Variants in ZDHHC17 observed in about 807,000 individuals in gnomAD.
The protein encoded by ZDHHC17 is zDHHC palmitoyltransferase 17.
In ZDHHC17, 40 loss-of-function variants were observed where a neutral mutation model predicts 90.3. That is an observed-to-expected ratio of 0.44 (90% CI 0.34 to 0.58). ZDHHC17 has a LOEUF of 0.58. ZDHHC17 is among the 20% of genes least tolerant of loss of function. ZDHHC17 has a pLI of 0.01. For missense variants in ZDHHC17, 614 were observed against 780.8 expected, an observed-to-expected ratio of 0.79 and a Z score of 2.55; for synonymous variants, 235 against 252.4, an observed-to-expected ratio of 0.93 and a Z score of 0.65.
intron 10 of ZDHHC17, among the ~76,000 whole-genome samples, chr12:76,835,651 T>C (rs1953354301): frequency 6.6e-6 from 1 of 152,122 alleles, no homozygotes; most frequent in South Asian, 2.1e-4. Flanking sequence ...GTATTTTGGA[T>C]ATATGACATG....
rs570925688 is a variant in ZDHHC17, at chr12:76,849,750, AAAAC to A, written c.1760+281_1760+284del. On this transcript the variant is annotated intron_variant, in intron 16 of 16. Coordinates refer to ENST00000426126, the MANE Select transcript of ZDHHC17 (RefSeq NM_015336.4). ...AGGGTCCTAAGTATATGAAATATTT[AAAAC>A]TTTGAGTTTTACTGAAGTTATTACC... 3.6e-4 allele frequency: 69 copies of A among 194,274 alleles called. 1 individual carries two copies. In the East Asian group the frequency reaches 7.1e-3, roughly 20 times the overall value. The allele number at this position is 194,274 out of a possible 1,614,324, so 12.0% of individuals were successfully genotyped here.
chr12:76,782,758 T>C (rs1952641410), intron 1 of ZDHHC17, among the ~76,000 whole-genome samples: 1 of 152,088 alleles, frequency 6.6e-6, no homozygotes, highest in Non-Finnish European at 1.5e-5. Flanking sequence ...TCAGGAACTT[T>C]GCAATAGTGG....
chr12:76,809,521 A>G (rs1052044825), intron 4 of ZDHHC17, among the ~76,000 whole-genome samples, 192 bp from the exon 5 acceptor site: 3 of 152,152 alleles, frequency 2.0e-5, no homozygotes, highest in Admixed American at 2.0e-4. Flanking sequence ...ATACATTTTC[A>G]GACTGTTAAT....
At chr12:76,773,885 TA>T (rs1429275967) in intron 1 of ZDHHC17, among the ~76,000 whole-genome samples, 1 of 152,202 alleles carries the variant, frequency 6.6e-6, no homozygotes, top group Non-Finnish European at 1.5e-5. Context: ...TACATTTCCA[TA>T]AAAGTCCTTC....
Position 76,797,447 on chromosome 12 carries a change from A to G in ZDHHC17, c.107A>G (p.Gln36Arg), listed in dbSNP as rs1952833552. ...PLLHPEEIKP[Q>R]SHYNHGYGEP... is the part of the protein sequence containing the mutation. The stretch of plus-strand genomic sequence containing the variant: ...TCTTTTTAACAGGAAATCAAACCCC[A>G]AAGCCATTATAACCATGGATATGGT... The change falls in exon 2 of 17, where the codon CAA becomes CGA. Residue 36 changes from glutamine to arginine, a missense_variant. Transcript: ENST00000426126. 6.2e-7 allele frequency: 1 copy of G among 1,604,366 alleles called. No individual in the cohort carries two copies. The highest frequency in any genetic ancestry group is 8.5e-7 in the Non-Finnish European group (1 of 1,175,738).
intron 3 of ZDHHC17, 43 bp downstream of exon 3, chr12:76,805,482 T>C (rs1952945184): frequency 1.5e-6 from 2 of 1,374,546 alleles, no homozygotes; most frequent in Non-Finnish European, 2.0e-6. Context: ...CTTGACTTTT[T>C]ATGGTTATAA....
chr12:76,808,719 A>G (rs1475505683), intron 3 of ZDHHC17, among the ~76,000 whole-genome samples: 4 of 152,010 alleles, frequency 2.6e-5, no homozygotes, highest in African/African-American at 4.8e-5. Flanking sequence ...CAACTATTCT[A>G]ATTTCAAGTT....
chr12:76,843,066 G>A (rs1350040309), intron 12 of ZDHHC17, 85 bp downstream of exon 12: 5 of 1,023,182 alleles, frequency 4.9e-6, no homozygotes, highest in Non-Finnish European at 5.7e-6. Context: ...TGGGGAAAAG[G>A]AATAATTATT....
At chr12:76,802,958 T>G (rs1952909690) in intron 2 of ZDHHC17, among the ~76,000 whole-genome samples, 1 of 151,906 alleles carries the variant, frequency 6.6e-6, no homozygotes, top group South Asian at 2.1e-4. Context: ...CAGTATTCAA[T>G]AAATTACATG....
chr12:76,830,483 GC>G (rs1322288261), intron 10 of ZDHHC17, among the ~76,000 whole-genome samples: 5 of 151,940 alleles, frequency 3.3e-5, no homozygotes, highest in Non-Finnish European at 7.4e-5. Flanking sequence ...CTTCCATATG[GC>G]AGTTTTCACT....
At chr12:76,839,344 AATC>A (rs574605161) in intron 10 of ZDHHC17, among the ~76,000 whole-genome samples, 269 of 152,330 alleles carry the variant, frequency 1.8e-3, no homozygotes, top group African/African-American at 6.0e-3. Context: ...GCCTCGCCAG[AATC>A]ATCATCTTTT....
In ZDHHC17 at chr12:76,841,322, A is replaced by G. The variant is rs145710022; in HGVS notation, c.1142-660A>G. 7.0e-3 allele frequency among the ~76,000 whole-genome samples: 1,059 copies of G among 152,324 alleles called. 9 individuals carry two copies. The highest frequency in any genetic ancestry group is 0.024 in the African/African-American group (1,004 of 41,580). On this transcript the variant is annotated intron_variant, in intron 10 of 16. Transcript: ENST00000426126. Reference sequence around the variant, plus strand: ...TGTATAATACTTGTATCTACATACAATCTTACAAATGGTATTTGAGTATAC... The same window carrying G: ...TGTATAATACTTGTATCTACATACAGTCTTACAAATGGTATTTGAGTATAC...
intron 5 of ZDHHC17, among the ~76,000 whole-genome samples, chr12:76,810,803 G>C (rs1953010426): frequency 6.6e-6 from 1 of 152,168 alleles, no homozygotes; most frequent in Non-Finnish European, 1.5e-5. Context: ...TCACAATTTT[G>C]TGGGCTTGGC....
chr12:76,849,925 T>G (rs1387738147), intron 16 of ZDHHC17, among the ~76,000 whole-genome samples: 4 of 152,132 alleles, frequency 2.6e-5, no homozygotes, highest in East Asian at 1.9e-4. Context: ...TGACTGCTTT[T>G]CTTTTCTTTT....
chr12:76,784,293 A>G (rs1952661598), intron 1 of ZDHHC17, among the ~76,000 whole-genome samples: 1 of 152,230 alleles, frequency 6.6e-6, no homozygotes, highest in Non-Finnish European at 1.5e-5. Context: ...ATAAGACATC[A>G]GTTTGAAAAG....
Position 76,805,346 on chromosome 12 carries a change from T to C in ZDHHC17, c.227T>C (p.Leu76Ser). 6.2e-7 allele frequency: 1 copy of C among 1,603,044 alleles called. No homozygotes were observed. The highest frequency in any genetic ancestry group is 1.7e-5 in the Admixed American group (1 of 59,106). The change falls in exon 3 of 17, where the codon TTG becomes TCG. Residue 76 changes from leucine (L) to serine (S), a missense_variant. Physicochemically the swap from Leu to Ser is moderately radical, Grantham distance 145. This residue lies in a region of ZDHHC17 where 358 missense variants were observed against 380.4 expected (regional missense o/e 0.94). Coordinates refer to ENST00000426126, the MANE Select transcript of ZDHHC17 (RefSeq NM_015336.4). ...GGAATATATGAACGCTGTCGAGAATTGGTGGAAGCAGGTTATGATGTACGG... is the reference window on the plus strand; with the variant it reads ...GGAATATATGAACGCTGTCGAGAATCGGTGGAAGCAGGTTATGATGTACGG... ...QYGIYERCRE[L>S]VEAGYDVRQP... is the part of the protein sequence containing the mutation.
At chr12:76,797,342 C>G (rs1952831877) in intron 1 of ZDHHC17, 92 bp from the exon 2 acceptor site, 3 of 767,572 alleles carry the variant, frequency 3.9e-6, no homozygotes, top group Non-Finnish European at 5.9e-6. Flanking sequence ...TAGCATTTCT[C>G]AAACAACACA....
rs577647746 is a variant in ZDHHC17 at position 76,767,909 on chromosome 12, TA to T, written c.93+3594del. On this transcript the variant is annotated intron_variant, in intron 1 of 16. Coordinates refer to ENST00000426126, the MANE Select transcript of ZDHHC17 (RefSeq NM_015336.4). ...CTGGGCAACAAGAGCAAAACTCTCT[TA>T]AAAAAAAAAAAAATCCAAAGCTGTG... is the stretch of plus-strand genomic sequence containing the variant. Among the ~76,000 whole-genome samples the T allele has an allele frequency of 7.4e-3, 1,062 of 143,256 alleles. 5 individuals carry two copies. Among genetic ancestry groups the T allele is most frequent in the African/African-American group, 0.014 (558 of 39,256 alleles). The allele number at this position is 143,256 out of a possible 152,430, so 94.0% of individuals were successfully genotyped here.
rs924684277 is a variant in ZDHHC17, at chr12:76,822,857, G to A, written c.897+326G>A. Among the ~76,000 whole-genome samples, 11 of 151,900 alleles carry A rather than the reference G, an allele frequency of 7.2e-5. No homozygotes were observed. The South Asian group carries it at 1.2e-3, about 17-fold the overall frequency. Reference sequence around the variant, plus strand: ...TGGGAATACAGGCATGAGCCACCGCGCCCAGCTGAAGATTTTCGATATATA... The same window carrying A: ...TGGGAATACAGGCATGAGCCACCGCACCCAGCTGAAGATTTTCGATATATA... On this transcript the variant is annotated intron_variant, in intron 8 of 16. Transcript: ENST00000426126.
Sources: gnomAD v4.1 joint callset for allele counts (sites outside exome capture counted in the v4.1 genomes callset) on GRCh38, gnomAD v4.1.1 for gene constraint, gnomAD v4.1.1 regional missense constraint, MANE v1.5 for transcripts, NCBI Gene and HGNC (gene_info 2026-07-23, HGNC 2026-07-21) for gene names.